The following ZNF385B variants were observed in gnomAD, a reference collection of about 807,000 sequenced individuals.
The protein encoded by ZNF385B is zinc finger protein 533.
A neutral mutation model predicts 39.2 loss-of-function variants in ZNF385B; 23 were observed. The observed-to-expected ratio is 0.59, with a 90% CI of 0.42 to 0.83. ZNF385B has a LOEUF of 0.83. Among genes scored for constraint, ZNF385B ranks in the 40% least tolerant of loss-of-function variants. ZNF385B has a pLI of 0.00. For missense variants in ZNF385B, 552 were observed against 598.9 expected (o/e 0.92, Z 0.82); for synonymous variants, 205 against 222.6 (o/e 0.92, Z 0.70).
intron 4 of ZNF385B, among the ~76,000 whole-genome samples, chr2:179,522,716 G>A (rs1374482789): frequency 1.3e-5 from 2 of 152,066 alleles, no homozygotes; most frequent in South Asian, 2.1e-4. Flanking sequence ...ATTAACAAAT[G>A]TCTTATTAAG....
intron 3 of ZNF385B, among the ~76,000 whole-genome samples, chr2:179,623,531 G>C (rs1258762501): frequency 1.3e-5 from 2 of 152,142 alleles, no homozygotes; most frequent in Non-Finnish European, 2.9e-5. Context: ...GGCAGGAACA[G>C]GGAAGATGCC....
At chr2:179,840,714 A>G (rs1006458851) in intron 1 of ZNF385B, among the ~76,000 whole-genome samples, 2 of 152,208 alleles carry the variant, frequency 1.3e-5, no homozygotes, top group Non-Finnish European at 2.9e-5. Flanking sequence ...CCAATCATTC[A>G]TCAAGTACTA....
intron 1 of ZNF385B, among the ~76,000 whole-genome samples, chr2:179,794,369 A>G (rs924164009): frequency 4.6e-5 from 7 of 150,834 alleles, no homozygotes; most frequent in Admixed American, 4.0e-4. Context: ...AAATTTGTAA[A>G]CAGATTATCA....
intron 5 of ZNF385B, among the ~76,000 whole-genome samples, chr2:179,490,325 A>G (rs1001283265): frequency 1.8e-4 from 27 of 152,174 alleles, no homozygotes; most frequent in African/African-American, 6.3e-4. Flanking sequence ...AAACACACAC[A>G]CACACACACA....
rs540020429 is a variant in ZNF385B at position 179,616,720 on chromosome 2, C to T, written c.299-71751G>A. On this transcript the variant is annotated intron_variant, in intron 3 of 9. Transcript: ENST00000410066. Reference sequence around the variant, plus strand: ...TACCACAGTTGCATGCTGCCAGGCCCGGCTAATTTTTTTTATTTTCTGGGA... The same window carrying T: ...TACCACAGTTGCATGCTGCCAGGCCTGGCTAATTTTTTTTATTTTCTGGGA... 3.9e-5 allele frequency among the ~76,000 whole-genome samples: 6 copies of T among 152,090 alleles called. No homozygotes were observed. The East Asian group carries it at 5.8e-4, about 15-fold the overall frequency.
chr2:179,461,114 A>T (rs1161745893), intron 6 of ZNF385B, among the ~76,000 whole-genome samples: 1 of 152,182 alleles, frequency 6.6e-6, no homozygotes, highest in Non-Finnish European at 1.5e-5. Context: ...AGGACAAGAA[A>T]GTCAGTGAGA....
At chr2:179,466,429 T>G (rs1324975280) in intron 6 of ZNF385B, among the ~76,000 whole-genome samples, 1 of 152,204 alleles carries the variant, frequency 6.6e-6, no homozygotes, top group African/African-American at 2.4e-5. Context: ...CATTCCTCTT[T>G]GCAGCTAAAC....
At chr2:179,626,177 G>C (rs1690648588) in intron 3 of ZNF385B, among the ~76,000 whole-genome samples, 1 of 151,890 alleles carries the variant, frequency 6.6e-6, no homozygotes, top group African/African-American at 2.4e-5. Context: ...TTCTATGTGT[G>C]GCATACTAAT....
chr2:179,773,507 C>T (rs1049372849), intron 1 of ZNF385B, among the ~76,000 whole-genome samples: 3 of 152,222 alleles, frequency 2.0e-5, no homozygotes, highest in Non-Finnish European at 2.9e-5. Context: ...GATGCTCCCT[C>T]GCTCGAGTCT....
chr2:179,829,735 G>A (rs751628456), intron 1 of ZNF385B, among the ~76,000 whole-genome samples: 3 of 152,078 alleles, frequency 2.0e-5, no homozygotes, highest in Non-Finnish European at 4.4e-5. Context: ...CGATGGTCTC[G>A]ATCTCCTGAC....
chr2:179,714,601 T>G (rs1481886694), intron 3 of ZNF385B, among the ~76,000 whole-genome samples: 2 of 152,102 alleles, frequency 1.3e-5, no homozygotes. Context: ...AGGTTAAAAT[T>G]TAGGACAACA....
At position 179,846,119 on chromosome 2, in the gene ZNF385B, C is replaced by A. The variant is rs145890683; in HGVS notation, c.-155+14982G>T. Among the ~76,000 whole-genome samples, 63 of 152,262 alleles carry A rather than the reference C, an allele frequency of 4.1e-4. No homozygotes were observed. The East Asian group carries it at 0.011, about 26-fold the overall frequency. On this transcript the variant is annotated intron_variant, in intron 1 of 9. Transcript: ENST00000410066. ...CTGACTATCAAAATAGTAATTACAG[C>A]ATTTTTAGGTCCCAAATTTGATGCT...
Position 179,803,029 on chromosome 2 carries a change from G to A in ZNF385B, c.-154-32357C>T, listed in dbSNP as rs570680463. 3.3e-5 allele frequency among the ~76,000 whole-genome samples: 5 copies of A among 152,178 alleles called. No individual in the cohort carries two copies. In the South Asian group the frequency reaches 8.3e-4, roughly 25 times the overall value. On this transcript the variant is annotated intron_variant, in intron 1 of 9. Transcript: ENST00000410066. ...CAGTAAATTAACTCATTCAACAGTTGACATATTCAATCTTTAGAATACTGT... is the reference window on the plus strand; with the variant it reads ...CAGTAAATTAACTCATTCAACAGTTAACATATTCAATCTTTAGAATACTGT...
At chr2:179,772,245 T>C (rs1043712047) in intron 1 of ZNF385B, among the ~76,000 whole-genome samples, 6 of 152,224 alleles carry the variant, frequency 3.9e-5, no homozygotes, top group Non-Finnish European at 7.3e-5. Context: ...TAAATGGCTC[T>C]TCTAGAATTC....
chr2:179,753,763 G>A (rs906965163), intron 3 of ZNF385B, among the ~76,000 whole-genome samples: 1 of 152,250 alleles, frequency 6.6e-6, no homozygotes, highest in South Asian at 2.1e-4. Flanking sequence ...GAATGCTTGC[G>A]ATTTTTGCAC....
rs1702964756 is a variant in ZNF385B at position 179,755,613 on chromosome 2, C to T, written c.298+13890G>A. ...AGGACTTGCTTTATGAATGTGGGTGCTCCTGTATTGGGTGCATATATATTT... is the reference window on the plus strand; with the variant it reads ...AGGACTTGCTTTATGAATGTGGGTGTTCCTGTATTGGGTGCATATATATTT... On this transcript the variant is annotated intron_variant, in intron 3 of 9. Coordinates refer to ENST00000410066, the MANE Select transcript of ZNF385B (RefSeq NM_152520.6). 2.6e-5 allele frequency among the ~76,000 whole-genome samples: 4 copies of T among 152,264 alleles called. No homozygotes were observed. In the South Asian group the frequency reaches 8.3e-4, roughly 32 times the overall value.
chr2:179,846,690 T>C (rs1052287934), intron 1 of ZNF385B, among the ~76,000 whole-genome samples: 3 of 152,222 alleles, frequency 2.0e-5, no homozygotes, highest in Admixed American at 6.5e-5. Context: ...TAGATTACTG[T>C]ATTTCTCAGA....
chr2:179,691,218 C>T (rs370254613), intron 3 of ZNF385B, among the ~76,000 whole-genome samples: 5 of 152,066 alleles, frequency 3.3e-5, no homozygotes, highest in African/African-American at 1.2e-4. Flanking sequence ...ACTAGTCATC[C>T]AGAACTTTCA....
At chr2:179,860,812 A>T (rs1180191705) in intron 1 of ZNF385B, 1 of 463,966 alleles carries the variant, frequency 2.2e-6, no homozygotes, top group Non-Finnish European at 4.5e-6. Context: ...ATTGGAGCCT[A>T]CCCTGGGGAA....
Sources: allele counts gnomAD v4.1 joint callset (sites outside exome capture counted in the v4.1 genomes callset), GRCh38; gene constraint gnomAD v4.1.1; transcripts MANE v1.5; gene names NCBI Gene and HGNC (gene_info 2026-07-23, HGNC 2026-07-21).